The following PTCHD1 variants were observed in gnomAD, a reference collection of about 807,000 sequenced individuals.
The protein encoded by PTCHD1 is patched domain-containing protein 1.
A neutral mutation model predicts 34.6 loss-of-function variants in PTCHD1; 3 were observed. The observed-to-expected ratio is 0.09, with a 90% CI of 0.04 to 0.22. The LOEUF (loss-of-function observed/expected upper bound fraction) is 0.22, where lower values mean the gene tolerates loss of function less well. Among genes scored for constraint, PTCHD1 ranks in the 10% least tolerant of loss-of-function variants. PTCHD1 has a pLI of 1.00. For synonymous variants in PTCHD1, 305 were observed against 283.1 expected (o/e 1.08, Z -0.77); for missense variants, 504 against 685.5 (o/e 0.74, Z 2.96).
At chrX:23,375,350 C>T (rs1343766592) in intron 1 of PTCHD1, among the ~76,000 whole-genome samples, 2 of 100,064 alleles carry the variant, frequency 2.0e-5, no homozygotes, top group African/African-American at 7.8e-5. Context: ...AGTGCTGTGG[C>T]GCGATCTCCG....
At chrX:23,357,534 T>C (rs1431837604) in intron 1 of PTCHD1, among the ~76,000 whole-genome samples, 1 of 111,305 alleles carries the variant, frequency 9.0e-6, no homozygotes, top group East Asian at 2.8e-4. Flanking sequence ...TACCCAGTGA[T>C]GTGCTGGGGC....
chrX:23,392,566 T>A lies in PTCHD1; in HGVS notation c.1048T>A (p.Ser350Thr). 8.3e-7 allele frequency: 1 copy of A among 1,208,216 alleles called. No homozygotes were observed. The highest frequency in any genetic ancestry group is 1.1e-6 in the Non-Finnish European group (1 of 892,284). Residue 350 changes from serine (S) to threonine (T), a missense_variant, in exon 3 of 3, where the codon TCC (serine) becomes ACC (threonine). By Grantham distance (58) the Ser-to-Thr change is moderately conservative (BLOSUM62 1). Transcript: ENST00000379361. Reference sequence around the variant, plus strand: ...ATATGGGACTTTTGAAATGTTATCCTCCTGGAGGAAAACTAGAGAAGACCA... The same window carrying A: ...ATATGGGACTTTTGAAATGTTATCCACCTGGAGGAAAACTAGAGAAGACCA... Reference protein sequence around the residue: ...GLYGTFEMLSSWRKTREDQHV... With the variant: ...GLYGTFEMLSTWRKTREDQHV...
At chrX:23,353,119 G>A (rs942642193) in intron 1 of PTCHD1, among the ~76,000 whole-genome samples, 1 of 112,437 alleles carries the variant, frequency 8.9e-6, no homozygotes, top group Non-Finnish European at 1.9e-5. Context: ...AAAAAAGAAT[G>A]CATGTAAAAA....
At position 23,401,180 on chromosome X, in the gene PTCHD1, G is replaced by C. The variant is rs915851720; in HGVS notation, c.*6995G>C. On this transcript the variant is annotated 3_prime_UTR_variant, in exon 3 of 3. Transcript: ENST00000379361. The stretch of plus-strand genomic sequence containing the variant: ...AGGCGTGAGCCACCGTGCCCGGCAA[G>C]GGCTTTGTTCATTAGGATCAACAAA... 4.5e-5 allele frequency: 5 copies of C among 111,616 alleles called. No individual in the cohort carries two copies. Among genetic ancestry groups the C allele is most frequent in the African/African-American group, 1.3e-4 (4 of 30,631 alleles). 9.2% of individuals were successfully genotyped at this position (111,616 alleles called of 1,213,427 possible). A position where few individuals can be genotyped will look rare whatever the true frequency, so the allele number is the denominator to read the frequency against.
At chrX:23,367,811 A>T (rs1922186694) in intron 1 of PTCHD1, among the ~76,000 whole-genome samples, 1 of 111,833 alleles carries the variant, frequency 8.9e-6, no homozygotes. Context: ...GTGGGCTACA[A>T]ACCAAAGGAC....
chrX:23,368,770 G>A (rs1421809892), intron 1 of PTCHD1, among the ~76,000 whole-genome samples: 1 of 111,631 alleles, frequency 9.0e-6, no homozygotes, highest in Non-Finnish European at 1.9e-5. Flanking sequence ...GGTTATATAA[G>A]AAACATACAT....
chrX:23,381,712 G>A (rs1372882533), intron 2 of PTCHD1, among the ~76,000 whole-genome samples: 2 of 111,744 alleles, frequency 1.8e-5, no homozygotes, highest in Admixed American at 9.5e-5. Flanking sequence ...TAAGGAGACC[G>A]AGCAGCCTGA....
intron 1 of PTCHD1, among the ~76,000 whole-genome samples, chrX:23,364,349 T>C (rs1211683999): frequency 2.9e-5 from 3 of 102,083 alleles, no homozygotes; most frequent in Non-Finnish European, 5.9e-5. Context: ...ATATAAATCA[T>C]ACCTTAATTA....
intron 1 of PTCHD1, among the ~76,000 whole-genome samples, chrX:23,379,018 G>T (rs1035039189): frequency 8.9e-6 from 1 of 111,956 alleles, no homozygotes; most frequent in Non-Finnish European, 1.9e-5. Flanking sequence ...GTCTTATATG[G>T]TAGAGAGAGA....
intron 1 of PTCHD1, among the ~76,000 whole-genome samples, chrX:23,374,291 AAAAAAAAAAAAAAAAAAAC>A (rs1922348866): frequency 1.3e-5 from 1 of 79,600 alleles, no homozygotes; most frequent in South Asian, 5.3e-4. Flanking sequence ...AAAAAAAAAA[AAAAAAAAAAAAAAAAAAAC>A]CCAAAACCCT....
intron 1 of PTCHD1, among the ~76,000 whole-genome samples, chrX:23,368,383 G>A (rs1017300166): frequency 1.8e-5 from 2 of 111,938 alleles, no homozygotes; most frequent in Non-Finnish European, 3.8e-5. Context: ...AGATGTAAAT[G>A]ATATGCATGT....
At position 23,371,822 on chromosome X, in the gene PTCHD1, T is replaced by C. The variant is rs73469325; in HGVS notation, c.352-7769T>C. 6.1e-3 allele frequency among the ~76,000 whole-genome samples: 682 copies of C among 111,798 alleles called. 7 individuals are homozygous for C. Among genetic ancestry groups the C allele is most frequent in the African/African-American group, 0.021 (647 of 30,727 alleles). ...TCACCAGAGGAGCTAGCATCCATGC[T>C]TCCTGCTGTATAATAATACAATTGT... On this transcript the variant is annotated intron_variant, in intron 1 of 2. Coordinates refer to ENST00000379361, the MANE Select transcript of PTCHD1 (RefSeq NM_173495.3).
In PTCHD1 at chrX:23,396,363, C is replaced by T. The variant is rs751949923; in HGVS notation, c.*2178C>T. 8.9e-6 allele frequency: 1 copy of T among 112,053 alleles called. No homozygotes were observed. Among genetic ancestry groups the T allele is most frequent in the Non-Finnish European group, 1.9e-5 (1 of 53,204 alleles). The allele number at this position is 112,053 out of a possible 1,213,427, so 9.2% of individuals were successfully genotyped here. A position where few individuals can be genotyped will look rare whatever the true frequency, so the allele number is the denominator to read the frequency against. On this transcript the variant is annotated 3_prime_UTR_variant, in exon 3 of 3. Transcript: ENST00000379361. The stretch of plus-strand genomic sequence containing the variant: ...AGGGCAAGTTTGCATAATAGATCTT[C>T]GATCAATTCTCTCTCCAAGGGGCCC...
chrX:23,375,735 G>A (rs1412462996), intron 1 of PTCHD1, among the ~76,000 whole-genome samples: 2 of 111,581 alleles, frequency 1.8e-5, no homozygotes, highest in East Asian at 2.8e-4. Context: ...AAAGTCTCTA[G>A]GCCTCAGTTG....
rs184887191 is a variant in PTCHD1, at chrX:23,398,171, C to T, written c.*3986C>T. On this transcript the variant is annotated 3_prime_UTR_variant, in exon 3 of 3. Transcript: ENST00000379361. ...GAGATGAGAGATGACATTTGGAAAG[C>T]ACTCTTGGAAAGGCCTGGCAAAGAA... 1 of 111,130 alleles carries T rather than the reference C, an allele frequency of 9.0e-6. No homozygotes were observed. Among genetic ancestry groups the T allele is most frequent in the Non-Finnish European group, 1.9e-5 (1 of 53,032 alleles). 9.2% of individuals were successfully genotyped at this position (111,130 alleles called of 1,213,427 possible). A position where few individuals can be genotyped will look rare whatever the true frequency, so the allele number is the denominator to read the frequency against.
chrX:23,342,310 A>ATATATAT (rs1921357058), intron 1 of PTCHD1, among the ~76,000 whole-genome samples: 6 of 12,939 alleles, frequency 4.6e-4, no homozygotes, highest in Non-Finnish European at 6.5e-4. Flanking sequence ...ATATATATAT[A>ATATATAT]TTTTTTTTTT....
chrX:23,385,239 C>G lies in PTCHD1; in HGVS notation c.1012+4988C>G, dbSNP rs891965241. 8.1e-5 allele frequency among the ~76,000 whole-genome samples: 9 copies of G among 111,495 alleles called. No individual in the cohort carries two copies. The East Asian group carries it at 2.5e-3, about 31-fold the overall frequency. On this transcript the variant is annotated intron_variant, in intron 2 of 2. Transcript: ENST00000379361. Reference sequence around the variant, plus strand: ...CTTGCCCTTTTATTCTTATGCTCCACCAATCATATTAGGGTGAGAGTAGGT... The same window carrying G: ...CTTGCCCTTTTATTCTTATGCTCCAGCAATCATATTAGGGTGAGAGTAGGT...
At chrX:23,371,030 C>T (rs1922264459) in intron 1 of PTCHD1, among the ~76,000 whole-genome samples, 1 of 111,082 alleles carries the variant, frequency 9.0e-6, no homozygotes, top group Admixed American at 9.6e-5. Flanking sequence ...AAAGAACAAA[C>T]ACTGACGAAA....
At chrX:23,343,630 G>A (rs1288832682) in intron 1 of PTCHD1, among the ~76,000 whole-genome samples, 1 of 111,257 alleles carries the variant, frequency 9.0e-6, no homozygotes, top group African/African-American at 3.3e-5. Flanking sequence ...TAGCCCAGAG[G>A]AACAGAAAGT....
Sources: gnomAD v4.1 joint callset for allele counts (sites outside exome capture counted in the v4.1 genomes callset) on GRCh38, gnomAD v4.1.1 for gene constraint, MANE v1.5 for transcripts, NCBI Gene and HGNC (gene_info 2026-07-23, HGNC 2026-07-21) for gene names.